RYR3: variants seen among roughly 807,000 people sequenced by gnomAD.
RYR3 encodes brain ryanodine receptor-calcium release channel.
In RYR3, 207 loss-of-function variants were observed where a neutral mutation model predicts 584.3. The observed-to-expected ratio is 0.35, with a 90% CI of 0.32 to 0.40. The LOEUF (loss-of-function observed/expected upper bound fraction) is 0.40, where lower values mean the gene tolerates loss of function less well. Ranked by LOEUF, RYR3 falls within the 10% of genes least tolerant of loss-of-function variation. The pLI is 1.00. For synonymous variants in RYR3, 2,416 were observed against 2,248.5 expected (o/e 1.07, Z -2.11); for missense variants, 5,616 against 6,089.2 (o/e 0.92, Z 2.59).
intron 1 of RYR3, among the ~76,000 whole-genome samples, chr15:33,373,404 C>T (rs968709489): frequency 6.6e-6 from 1 of 152,152 alleles, no homozygotes; most frequent in Non-Finnish European, 1.5e-5. Context: ...GTTTCTGTAT[C>T]AGTAAAATGG....
chr15:33,795,507 G>T (rs143148712), intron 67 of RYR3, among the ~76,000 whole-genome samples: 2,343 of 147,370 alleles, frequency 0.016, 63 homozygotes, highest in African/African-American at 0.056. Context: ...CGATTCTCCT[G>T]CCTCAGCCTC....
intron 1 of RYR3, among the ~76,000 whole-genome samples, chr15:33,367,444 A>G (rs1199529839): frequency 6.6e-6 from 1 of 152,244 alleles, no homozygotes; most frequent in African/African-American, 2.4e-5. Flanking sequence ...GCAATGGAGA[A>G]GTCAGACTGA....
intron 3 of RYR3, among the ~76,000 whole-genome samples, chr15:33,510,160 C>T (rs892823413): frequency 6.6e-6 from 1 of 152,198 alleles, no homozygotes; most frequent in Admixed American, 6.5e-5. Flanking sequence ...GTACTCCTGG[C>T]AGGCAGCCTG....
chr15:33,467,877 C>T (rs2048611476), intron 1 of RYR3, among the ~76,000 whole-genome samples: 1 of 152,032 alleles, frequency 6.6e-6, no homozygotes, highest in South Asian at 2.1e-4. Context: ...ACTCTGGCTG[C>T]TCTCTTTGGC....
intron 1 of RYR3, among the ~76,000 whole-genome samples, chr15:33,355,204 T>A (rs913524431): frequency 2.1e-5 from 3 of 144,764 alleles, no homozygotes; most frequent in South Asian, 4.4e-4. Context: ...AAAAAAATCA[T>A]GTATTAGTTG....
At chr15:33,496,874 A>G (rs560980015) in intron 2 of RYR3, among the ~76,000 whole-genome samples, 34 of 152,018 alleles carry the variant, frequency 2.2e-4, no homozygotes, top group Middle Eastern at 3.4e-3. Context: ...CTTTTTTTGT[A>G]ATGTTTTTAT....
chr15:33,549,069 G>T (rs1380927301), intron 9 of RYR3, among the ~76,000 whole-genome samples: 3 of 151,254 alleles, frequency 2.0e-5, no homozygotes, highest in Admixed American at 2.0e-4. Flanking sequence ...ATATGCACAC[G>T]TTTTTTTTTT....
At chr15:33,330,746 C>T (rs1211152313) in intron 1 of RYR3, among the ~76,000 whole-genome samples, 1 of 152,162 alleles carries the variant, frequency 6.6e-6, no homozygotes, top group Non-Finnish European at 1.5e-5. Context: ...TAGGTTGTAG[C>T]TGCTACTCAG....
At chr15:33,338,903 A>G (rs995136939) in intron 1 of RYR3, among the ~76,000 whole-genome samples, 1 of 152,204 alleles carries the variant, frequency 6.6e-6, no homozygotes, top group East Asian at 1.9e-4. Context: ...ACTAAACAAT[A>G]TGTTATTTAT....
At position 33,862,249 on chromosome 15, in the gene RYR3, G is replaced by A. The variant is rs543086489; in HGVS notation, c.14465+1071G>A. 3.9e-5 allele frequency among the ~76,000 whole-genome samples: 6 copies of A among 152,228 alleles called. No homozygotes were observed. The East Asian group carries it at 5.8e-4, about 15-fold the overall frequency. On this transcript the variant is annotated intron_variant, in intron 102 of 103. Coordinates refer to ENST00000634891, the MANE Select transcript of RYR3 (RefSeq NM_001036.6). Reference sequence around the variant, plus strand: ...TCGAGATAGATAGGGTCTCAACCCCGTTGCCCAGGCTCGAGTGCAGTGGTA... The same window carrying A: ...TCGAGATAGATAGGGTCTCAACCCCATTGCCCAGGCTCGAGTGCAGTGGTA...
intron 93 of RYR3, among the ~76,000 whole-genome samples, chr15:33,846,582 T>C (rs547716593): frequency 6.6e-6 from 1 of 152,308 alleles, no homozygotes; most frequent in East Asian, 1.9e-4. Context: ...GTCCAGGAAA[T>C]ACTTTCCTAT....
chr15:33,465,032 A>T (rs573330719), intron 1 of RYR3, among the ~76,000 whole-genome samples: 2 of 152,230 alleles, frequency 1.3e-5, no homozygotes, highest in African/African-American at 2.4e-5. Flanking sequence ...AATGCCGTCC[A>T]GGATCCAATA....
intron 3 of RYR3, among the ~76,000 whole-genome samples, chr15:33,520,566 T>C (rs981616028): frequency 6.0e-5 from 9 of 150,826 alleles, no homozygotes; most frequent in African/African-American, 2.0e-4. Flanking sequence ...AGATTCTTAA[T>C]CTATTAGCTA....
intron 87 of RYR3, among the ~76,000 whole-genome samples, chr15:33,835,933 T>G (rs1004544809): frequency 6.6e-6 from 1 of 152,132 alleles, no homozygotes; most frequent in Non-Finnish European, 1.5e-5. Flanking sequence ...CTTTCTGGTT[T>G]TGGTTTCATC....
At chr15:33,664,830 A>G (rs1175816290) in intron 36 of RYR3, among the ~76,000 whole-genome samples, 1 of 152,082 alleles carries the variant, frequency 6.6e-6, no homozygotes, top group Non-Finnish European at 1.5e-5. Context: ...TGGCAGAACT[A>G]CAACTCCATC....
intron 78 of RYR3, among the ~76,000 whole-genome samples, chr15:33,821,021 C>A (rs149533066): frequency 2.7e-5 from 4 of 150,622 alleles, no homozygotes; most frequent in Non-Finnish European, 5.9e-5. Context: ...TTATGGTATC[C>A]AAAAGGAATG....
At chr15:33,839,059 C>G in intron 89 of RYR3, 101 bp downstream of exon 89, 1 of 1,401,036 alleles carries the variant, frequency 7.1e-7, no homozygotes, top group Non-Finnish European at 9.6e-7. Flanking sequence ...GGAGCCAACA[C>G]TCTATGTTAG....
rs1281867831 is a variant in RYR3 at position 33,810,637 on chromosome 15, G to A, written c.10185G>A (p.Ser3395=). 2.5e-6 allele frequency: 4 copies of A among 1,613,828 alleles called. No homozygotes were observed. Among genetic ancestry groups the A allele is most frequent in the Admixed American group, 1.7e-5 (1 of 60,008 alleles). Residue 3395 remains serine, a synonymous_variant, in exon 71 of 104, where the codon TCG becomes TCA. Transcript: ENST00000634891. ...AGGAGCTGATCTCCCTCGCAAAATC[G>A]CGATACAGCCATGTAAGCTGCCCGT... The part of the protein sequence containing the change: ...GDQELISLAK[S]RYSHRDTDEE...
At chr15:33,405,909 T>C (rs573110439) in intron 1 of RYR3, among the ~76,000 whole-genome samples, 1 of 152,348 alleles carries the variant, frequency 6.6e-6, no homozygotes, top group African/African-American at 2.4e-5. Context: ...ACAGTGGCTG[T>C]AGGCCCATAG....
Sources: gnomAD v4.1 joint callset for allele counts (sites outside exome capture counted in the v4.1 genomes callset) on GRCh38, gnomAD v4.1.1 for gene constraint, MANE v1.5 for transcripts, NCBI Gene and HGNC (gene_info 2026-07-23, HGNC 2026-07-21) for gene names.